The following NWD2 variants were observed in gnomAD, a reference collection of about 807,000 sequenced individuals.
The protein encoded by NWD2 is NACHT and WD repeat domain containing 2, also known as NACHT and WD repeat domain-containing protein 2.
NWD2 carries 37 observed loss-of-function variants against 132.7 expected under a neutral mutation model. That is an observed-to-expected ratio of 0.28 (90% CI 0.21 to 0.37). The LOEUF (loss-of-function observed/expected upper bound fraction) is 0.37, where lower values mean the gene tolerates loss of function less well. Ranked by LOEUF, NWD2 falls within the 10% of genes least tolerant of loss-of-function variation. NWD2 has a pLI of 1.00. For synonymous variants in NWD2, 705 were observed against 803.0 expected (o/e 0.88, Z 2.06); for missense variants, 1,592 against 2,122.4 (o/e 0.75, Z 4.91).
At chr4:37,312,580 G>T (rs1332556870) in intron 1 of NWD2, among the ~76,000 whole-genome samples, 1 of 150,874 alleles carries the variant, frequency 6.6e-6, no homozygotes, top group Non-Finnish European at 1.5e-5. Flanking sequence ...TGCAAACAGG[G>T]ACAATTTGAC....
intron 3 of NWD2, among the ~76,000 whole-genome samples, chr4:37,380,212 G>A (rs973466396): frequency 1.3e-5 from 2 of 152,128 alleles, no homozygotes; most frequent in Non-Finnish European, 2.9e-5. Flanking sequence ...AATTGTAGTT[G>A]GAATTCAAAA....
chr4:37,321,380 C>G (rs908469362), intron 1 of NWD2, among the ~76,000 whole-genome samples: 1 of 152,154 alleles, frequency 6.6e-6, no homozygotes, highest in Non-Finnish European at 1.5e-5. Flanking sequence ...GTAGGTGACT[C>G]AGACACTGTA....
chr4:37,390,815 T>C (rs1047376871), intron 3 of NWD2, among the ~76,000 whole-genome samples: 2 of 152,206 alleles, frequency 1.3e-5, no homozygotes, highest in African/African-American at 2.4e-5. Flanking sequence ...TTTTGGAGCC[T>C]GGAAGACGTT....
intron 1 of NWD2, among the ~76,000 whole-genome samples, chr4:37,253,010 C>CT (rs994278644): frequency 6.6e-6 from 1 of 150,462 alleles, no homozygotes; most frequent in African/African-American, 2.4e-5. Flanking sequence ...AACCCCCCCC[C>CT]CTTATGTTTT....
At chr4:37,346,791 G>T (rs1473388086) in intron 2 of NWD2, among the ~76,000 whole-genome samples, 1 of 151,820 alleles carries the variant, frequency 6.6e-6, no homozygotes, top group Non-Finnish European at 1.5e-5. Flanking sequence ...GTTTCTTTCT[G>T]GTGCTCTTTT....
chr4:37,446,869 G>A lies in NWD2; in HGVS notation c.4881G>A (p.Arg1627=), dbSNP rs1192537084. 1.3e-6 allele frequency: 2 copies of A among 1,551,594 alleles called. No individual in the cohort carries two copies. The highest frequency in any genetic ancestry group is 2.7e-5 in the African/African-American group (2 of 73,004). ...CAACTTTCCTTGCACTCTCCCAGAGGCACCTGAACATCATTGTGGGCTTTG... is the reference window on the plus strand; with the variant it reads ...CAACTTTCCTTGCACTCTCCCAGAGACACCTGAACATCATTGTGGGCTTTG... ...KTPTFLALSQ[R]HLNIIVGFDD... is the part of the protein sequence containing the mutation. The change falls in exon 7 of 7, where the codon AGG becomes AGA. Residue 1627 remains arginine (R), a synonymous_variant. Coordinates refer to ENST00000309447, the MANE Select transcript of NWD2 (RefSeq NM_001144990.2). The surrounding 1 kb of genome is among the most constrained non-coding windows in gnomAD (Gnocchi z 6.7).
At chr4:37,403,291 G>GGTCATT (rs1720932833) in intron 3 of NWD2, among the ~76,000 whole-genome samples, 1 of 152,170 alleles carries the variant, frequency 6.6e-6, no homozygotes, top group Non-Finnish European at 1.5e-5. Context: ...ATTTTAAAAA[G>GGTCATT]GTCATTTTTA....
At chr4:37,318,016 C>CTTTTTTTT (rs1346676424) in intron 1 of NWD2, among the ~76,000 whole-genome samples, 1 of 131,910 alleles carries the variant, frequency 7.6e-6, no homozygotes, top group Non-Finnish European at 1.6e-5. Context: ...TTTCTTTTTT[C>CTTTTTTTT]TTTCTTTTTT....
At chr4:37,350,126 T>C (rs1383875273) in intron 2 of NWD2, among the ~76,000 whole-genome samples, 1 of 152,222 alleles carries the variant, frequency 6.6e-6, no homozygotes, top group East Asian at 1.9e-4. Flanking sequence ...GTGCAATGCC[T>C]CCGGCTTTGT....
chr4:37,246,362 G>C (rs190457118), intron 1 of NWD2, among the ~76,000 whole-genome samples: 1 of 152,304 alleles, frequency 6.6e-6, no homozygotes, highest in Admixed American at 6.5e-5. Context: ...GAAGTCTGAG[G>C]TAAAGCTTAC....
chr4:37,384,199 T>C (rs1720513500), intron 3 of NWD2, among the ~76,000 whole-genome samples: 1 of 152,256 alleles, frequency 6.6e-6, no homozygotes, highest in African/African-American at 2.4e-5. Flanking sequence ...GCCTGTCTTC[T>C]AAGATGTCAG....
rs549477653 is a variant in NWD2, at chr4:37,312,614, C to G, written c.152-13322C>G. On this transcript the variant is annotated intron_variant, in intron 1 of 6. Transcript: ENST00000309447. ...ACTTCCTCTTTTCCTAATTGAATAC[C>G]CTTTATTTCCTTCTTCTGCCTAATT... 4.9e-3 allele frequency among the ~76,000 whole-genome samples: 734 copies of G among 150,820 alleles called. 68 individuals carry two copies. The highest frequency in any genetic ancestry group is 0.017 in the African/African-American group (674 of 40,192).
intron 1 of NWD2, among the ~76,000 whole-genome samples, chr4:37,306,870 A>G (rs1471311272): frequency 6.6e-6 from 1 of 152,012 alleles, no homozygotes; most frequent in Non-Finnish European, 1.5e-5. Context: ...AAAAAATACA[A>G]AAAATTAGCC....
At chr4:37,303,392 G>A (rs535268347) in intron 1 of NWD2, among the ~76,000 whole-genome samples, 10 of 152,222 alleles carry the variant, frequency 6.6e-5, no homozygotes, top group Middle Eastern at 3.4e-3. Flanking sequence ...AGTGTGATGC[G>A]TCCAGCTTTC....
intron 3 of NWD2, among the ~76,000 whole-genome samples, chr4:37,361,173 A>C (rs908391304): frequency 2.6e-5 from 4 of 152,116 alleles, no homozygotes; most frequent in African/African-American, 7.2e-5. Flanking sequence ...TCCAAAACTG[A>C]ATCAGTAATA....
intron 6 of NWD2, among the ~76,000 whole-genome samples, chr4:37,441,067 G>A (rs1360252057): frequency 7.2e-5 from 11 of 152,230 alleles, no homozygotes; most frequent in Non-Finnish European, 5.9e-5. Context: ...GCCCATAGGT[G>A]AAATCAGGTA....
chr4:37,281,177 A>G (rs573237243), intron 1 of NWD2, among the ~76,000 whole-genome samples: 2 of 152,186 alleles, frequency 1.3e-5, no homozygotes, highest in East Asian at 3.9e-4. Flanking sequence ...AAAAGAGGAA[A>G]GCATACATGT....
chr4:37,356,395 A>T lies in NWD2; in HGVS notation c.270A>T (p.Glu90Asp). ...TAGATCTGTACTGGGGAGTGGAAGAAGATGAGTGGGACAGCCCAGAGCTCC... is the reference window on the plus strand; with the variant it reads ...TAGATCTGTACTGGGGAGTGGAAGATGATGAGTGGGACAGCCCAGAGCTCC... The part of the protein sequence containing the change: ...QVIDLYWGVE[E>D]DEWDSPELQK... The change falls in exon 3 of 7, where the codon GAA becomes GAT. Residue 90 changes from glutamate to aspartate, a missense_variant. Glu to Asp is a conservative substitution (Grantham distance 45, BLOSUM62 2). Transcript: ENST00000309447. 1.9e-6 allele frequency: 3 copies of T among 1,551,286 alleles called. No homozygotes were observed. The highest frequency in any genetic ancestry group is 2.6e-6 in the Non-Finnish European group (3 of 1,146,610).
intron 1 of NWD2, among the ~76,000 whole-genome samples, chr4:37,321,639 A>G (rs1560394327): frequency 2.0e-5 from 3 of 152,182 alleles, no homozygotes; most frequent in South Asian, 4.1e-4. Flanking sequence ...CCTGTCCATG[A>G]CATTCTAATT....
Sources: allele counts gnomAD v4.1 joint callset (sites outside exome capture counted in the v4.1 genomes callset), GRCh38; gene constraint gnomAD v4.1.1; non-coding constraint Gnocchi (gnomAD v3.1); transcripts MANE v1.5; gene names NCBI Gene and HGNC (gene_info 2026-07-23, HGNC 2026-07-21).